RUFY4: variants seen among roughly 807,000 people sequenced by gnomAD.
The protein encoded by RUFY4 is RUN and FYVE domain containing 4.
Under a neutral mutation model 69.0 loss-of-function variants are expected in RUFY4, and 73 were observed. The ratio of observed to expected loss-of-function variants is 1.06; its 90% confidence interval spans 0.88 to 1.29. The LOEUF (loss-of-function observed/expected upper bound fraction) is 1.29. RUFY4 is among the 50% of genes most tolerant of loss of function. The pLI is 0.00. For synonymous variants in RUFY4, 287 were observed against 271.8 expected, an observed-to-expected ratio of 1.06 and a Z score of -0.55; for missense variants, 770 against 705.6, an observed-to-expected ratio of 1.09 and a Z score of -1.03.
chr2:218,034,947 A>C (rs1164653161), upstream of RUFY4: 1 of 152,582 alleles, frequency 6.6e-6, no homozygotes, highest in Admixed American at 6.5e-5. Flanking sequence ...AAGCAAGAGC[A>C]GGTGCTGAAA....
At chr2:218,084,334 C>T (rs528858086) in intron 9 of RUFY4, among the ~76,000 whole-genome samples, 14 of 152,064 alleles carry the variant, frequency 9.2e-5, no homozygotes, top group East Asian at 1.9e-4. Context: ...CGGATTCAAG[C>T]GGTTCTCCTG....
At chr2:218,058,220 G>C (rs551579069) in intron 2 of RUFY4, among the ~76,000 whole-genome samples, 1 of 152,214 alleles carries the variant, frequency 6.6e-6, no homozygotes, top group Non-Finnish European at 1.5e-5. Context: ...AAAATGACCC[G>C]AGTTGTCCTT....
At chr2:218,037,770 C>T (rs767880358) in intron 2 of RUFY4, among the ~76,000 whole-genome samples, 4 of 152,126 alleles carry the variant, frequency 2.6e-5, no homozygotes, top group Non-Finnish European at 4.4e-5. Context: ...AGAACCGATT[C>T]CTATAGAACA....
At position 218,089,559 on chromosome 2, in the gene RUFY4, A is replaced by G; in HGVS notation, c.1613+197A>G. ...TAAAGGAGAAGAGCAGAAGGATCAG[A>G]TAAGGAATGGGGTCCGGGGAGTGGG... On this transcript the variant is annotated intron_variant, in intron 10 of 10. Transcript: ENST00000344321. 5 of 647,970 alleles carry G rather than the reference A, an allele frequency of 7.7e-6. No individual in the cohort carries two copies. The South Asian group carries it at 8.9e-5, about 12-fold the overall frequency. The allele number at this position is 647,970 out of a possible 1,614,324, so 40.1% of individuals were successfully genotyped here. A position where few individuals can be genotyped will look rare whatever the true frequency, so the allele number is the denominator to read the frequency against.
chr2:218,073,511 G>A lies in RUFY4; in HGVS notation c.530+125G>A, dbSNP rs374984085. 4.1e-5 allele frequency: 54 copies of A among 1,333,184 alleles called. No homozygotes were observed. In the East Asian group the frequency reaches 7.8e-4, roughly 19 times the overall value. 82.6% of individuals were successfully genotyped at this position (1,333,184 alleles called of 1,614,324 possible). ...CTGTCTCTGCCTCCTTTTGCTCCAT[G>A]CCTTTGGATTCTTCTAGCCCTCGAT... On this transcript the variant is annotated intron_variant, in intron 5 of 10. Coordinates refer to ENST00000344321, the Ensembl canonical transcript of RUFY4.
At chr2:218,061,039 C>T (rs767688153) in intron 3 of RUFY4, 1 of 690,688 alleles carries the variant, frequency 1.4e-6, no homozygotes, top group South Asian at 1.4e-5. Context: ...TAGAAGTTGA[C>T]TTCCTTCAGG....
intron 2 of RUFY4, among the ~76,000 whole-genome samples, chr2:218,053,653 G>A (rs1209377154): frequency 6.6e-6 from 1 of 152,206 alleles, no homozygotes; most frequent in Non-Finnish European, 1.5e-5. Context: ...GGGACTACAG[G>A]CGTCTGCCAC....
chr2:218,090,008 G>T, exon 11 of RUFY4: 1 of 1,566,560 alleles, frequency 6.4e-7, no homozygotes, highest in Non-Finnish European at 8.7e-7. Context: ...AAGAGAGACC[G>T]CTGCTGCCCA....
chr2:218,062,403 C>G (rs61679831), intron 3 of RUFY4, among the ~76,000 whole-genome samples: 8,038 of 122,580 alleles, frequency 0.066, 726 homozygotes, highest in African/African-American at 0.22. Context: ...GAGACTCCGT[C>G]TCAAAAAAAA....
At chr2:218,062,137 C>T (rs1485074637) in intron 3 of RUFY4, among the ~76,000 whole-genome samples, 16 of 152,126 alleles carry the variant, frequency 1.1e-4, no homozygotes, top group Non-Finnish European at 2.2e-4. Flanking sequence ...CAGTGGCTCA[C>T]GCCTGTAATC....
intron 2 of RUFY4, 145 bp from the exon 5 acceptor site, chr2:218,072,229 C>A: frequency 1.1e-6 from 1 of 932,586 alleles, no homozygotes; most frequent in South Asian, 1.7e-5. Flanking sequence ...GGTCACACAG[C>A]CAGTAAGGAC....
chr2:218,036,186 C>T lies in RUFY4; in HGVS notation c.-1158+792C>T, dbSNP rs77388244. On this transcript the variant is annotated intron_variant and NMD_transcript_variant, in intron 2 of 13. Transcript: ENST00000457754. Reference sequence around the variant, plus strand: ...TATTAAACAATTAGCACAGTGTCGTCGCCCAGGGACTGCTCAATCGGTGGA... The same window carrying T: ...TATTAAACAATTAGCACAGTGTCGTTGCCCAGGGACTGCTCAATCGGTGGA... Among the ~76,000 whole-genome samples the T allele has an allele frequency of 4.3e-3, 649 of 152,352 alleles. 4 individuals are homozygous for T. Among genetic ancestry groups the T allele is most frequent in the South Asian group, 0.012 (56 of 4,834 alleles).
chr2:218,085,051 A>AAAAG (rs1002914774), intron 9 of RUFY4, among the ~76,000 whole-genome samples: 5 of 152,210 alleles, frequency 3.3e-5, no homozygotes, highest in African/African-American at 1.2e-4. Context: ...TCCATCTCAA[A>AAAAG]AAAGAAAGAA....
At chr2:218,068,251 A>G (rs1467819452), upstream of RUFY4, among the ~76,000 whole-genome samples, 402 of 81,032 alleles carry the variant, frequency 5.0e-3, no homozygotes, top group South Asian at 9.8e-3. Context: ...GACTGGAGGG[A>G]GGCAGGGGGC....
At chr2:218,064,918 A>G (rs1689289057), upstream of RUFY4, among the ~76,000 whole-genome samples, 1 of 150,868 alleles carries the variant, frequency 6.6e-6, no homozygotes, top group Admixed American at 6.6e-5. Context: ...GAAGCACAGC[A>G]GGCTTCTCCG....
At chr2:218,074,219 C>T (rs1271608027) in intron 6 of RUFY4, among the ~76,000 whole-genome samples, 1 of 152,108 alleles carries the variant, frequency 6.6e-6, no homozygotes, top group Non-Finnish European at 1.5e-5. Flanking sequence ...CTGCTGAGTC[C>T]CCTGCACTGG....
At chr2:218,045,803 T>C (rs977162916) in intron 2 of RUFY4, among the ~76,000 whole-genome samples, 10 of 123,646 alleles carry the variant, frequency 8.1e-5, no homozygotes, top group African/African-American at 3.6e-4. Flanking sequence ...ATGGGGTACA[T>C]AGTGATTTTT....
chr2:218,072,759 T>C lies in RUFY4; in HGVS notation c.280-20T>C. 4.7e-6 allele frequency: 7 copies of C among 1,485,272 alleles called. No homozygotes were observed. The highest frequency in any genetic ancestry group is 6.3e-6 in the Non-Finnish European group (7 of 1,119,656). The allele number at this position is 1,485,272 out of a possible 1,614,324, so 92.0% of individuals were successfully genotyped here. A position where few individuals can be genotyped will look rare whatever the true frequency, so the allele number is the denominator to read the frequency against. On this transcript the variant is annotated intron_variant, in intron 3 of 10. Coordinates refer to ENST00000344321, the Ensembl canonical transcript of RUFY4. ...TTTGTCCTAATACTGCTCCCCATTCTGCCCCTGTGCACTCTGCAGTTGAAG... is the reference window on the plus strand; with the variant it reads ...TTTGTCCTAATACTGCTCCCCATTCCGCCCCTGTGCACTCTGCAGTTGAAG...
chr2:218,071,653 A>C (rs1388279828), intron 2 of RUFY4, among the ~76,000 whole-genome samples: 1 of 151,954 alleles, frequency 6.6e-6, no homozygotes, highest in Non-Finnish European at 1.5e-5. Context: ...AGCATTTTCC[A>C]TTCTCTTTCC....
Sources: gnomAD v4.1 joint callset for allele counts (sites outside exome capture counted in the v4.1 genomes callset) on GRCh38, gnomAD v4.1.1 for gene constraint, MANE v1.5 for transcripts, NCBI Gene and HGNC (gene_info 2026-07-23, HGNC 2026-07-21) for gene names.